Variants in SPNS2 observed in about 807,000 individuals in gnomAD.
SPNS2 encodes the protein sphingosine-1-phosphate transporter SPNS2.
In SPNS2, 37 loss-of-function variants were observed where a neutral mutation model predicts 57.6. That is an observed-to-expected ratio of 0.64 (90% CI 0.49 to 0.85). The LOEUF (loss-of-function observed/expected upper bound fraction) is 0.85, where lower values mean the gene tolerates loss of function less well. Among genes scored for constraint, SPNS2 ranks in the 40% least tolerant of loss-of-function variants. SPNS2 has a pLI of 0.00. For synonymous variants in SPNS2, 440 were observed against 346.9 expected, an observed-to-expected ratio of 1.27 and a Z score of -2.98; for missense variants, 831 against 779.1, an observed-to-expected ratio of 1.07 and a Z score of -0.79.
intron 2 of SPNS2, among the ~76,000 whole-genome samples, chr17:4,519,694 G>C (rs1283679149): frequency 1.3e-5 from 2 of 152,194 alleles, no homozygotes; most frequent in African/African-American, 4.8e-5. Context: ...TGCCCAGAAA[G>C]CTCTCCTCAA....
At position 4,532,592 on chromosome 17, in the gene SPNS2, C is replaced by A. The variant is rs766011693; in HGVS notation, c.843C>A (p.Val281=). ...CAGGAACACTCATCCTCATTCTGGT[C>A]CCAGCCACTAAAAGGGGTCATGCCG... is the stretch of plus-strand genomic sequence containing the variant. The part of the protein sequence containing the change: ...MITGTLILIL[V]PATKRGHADQ... The change falls in exon 6 of 13, where the codon GTC becomes GTA. Residue 281 remains valine, a synonymous_variant. Coordinates refer to ENST00000329078, the MANE Select transcript of SPNS2 (RefSeq NM_001124758.3). The A allele has an allele frequency of 1.2e-6, 2 of 1,614,016 alleles. No individual in the cohort carries two copies. Among genetic ancestry groups the A allele is most frequent in the Admixed American group, 1.7e-5 (1 of 59,998 alleles).
intron 11 of SPNS2, 101 bp downstream of exon 11, chr17:4,536,527 C>T (rs1298619801): frequency 1.5e-6 from 2 of 1,378,722 alleles, no homozygotes; most frequent in African/African-American, 1.4e-5. Context: ...AGGGTACAGA[C>T]CTCCCATGCA....
chr17:4,503,198 C>A (rs1275273305), intron 1 of SPNS2, among the ~76,000 whole-genome samples: 1 of 152,242 alleles, frequency 6.6e-6, no homozygotes, highest in African/African-American at 2.4e-5. Flanking sequence ...GAGCGGCATC[C>A]TCTCCAGTCC....
In SPNS2 at chr17:4,502,775, C is replaced by G. The variant is rs75836524; in HGVS notation, c.370+3358C>G. On this transcript the variant is annotated intron_variant, in intron 1 of 12. Coordinates refer to ENST00000329078, the MANE Select transcript of SPNS2 (RefSeq NM_001124758.3). ...TTCATGCCTCTGCTCAAGCTGGCCA[C>G]GATGCCTTTCCTGGGATTTTTGTTG... Among the ~76,000 whole-genome samples the G allele has an allele frequency of 2.0e-3, 303 of 152,288 alleles. 1 individual carries two copies. Among genetic ancestry groups the G allele is most frequent in the Non-Finnish European group, 3.1e-3 (213 of 68,016 alleles).
At position 4,499,349 on chromosome 17, in the gene SPNS2, G is replaced by A; in HGVS notation, c.302G>A (p.Arg101Gln). 6.9e-7 allele frequency: 1 copy of A among 1,450,694 alleles called. No individual in the cohort carries two copies. Among genetic ancestry groups the A allele is most frequent in the Non-Finnish European group, 9.0e-7 (1 of 1,107,816 alleles). The allele number at this position is 1,450,694 out of a possible 1,614,324, so 89.9% of individuals were successfully genotyped here. A position where few individuals can be genotyped will look rare whatever the true frequency, so the allele number is the denominator to read the frequency against. Residue 101 changes from arginine to glutamine, a missense_variant, in exon 1 of 13, where the codon CGG (arginine) becomes CAG (glutamine). Arg to Gln is a conservative substitution (Grantham distance 43). This residue lies in a region of SPNS2 where 305 missense variants were observed against 378.3 expected (regional missense o/e 0.81). Transcript: ENST00000329078. The surrounding 1 kb of genome is among the most constrained non-coding windows in gnomAD (Gnocchi z 5.2). The part of the protein sequence containing the change: ...QPKPASLGRG[R>Q]GAAAAILSLG... ...AAACCGGCCAGCTTGGGCCGCGGGC[G>A]GGGGGCAGCCGCCGCCATCCTCAGC...
chr17:4,518,180 T>TG (rs1394701051), intron 2 of SPNS2, among the ~76,000 whole-genome samples: 1 of 151,932 alleles, frequency 6.6e-6, no homozygotes. Context: ...GGTTTTGTCT[T>TG]GGGGCAGTAG....
rs1904792106 is a variant in SPNS2, at chr17:4,510,110, G to T, written c.371-3137G>T. Among the ~76,000 whole-genome samples, 1 of 152,262 alleles carries T rather than the reference G, an allele frequency of 6.6e-6. No individual in the cohort carries two copies. The highest frequency in any genetic ancestry group is 2.4e-5 in the African/African-American group (1 of 41,478). ...CGCTTCCCGTGCCAGCGGCCAGCGG[G>T]ATCTCACCCTCCTGTGGCTGTGGCC... On this transcript the variant is annotated intron_variant, in intron 1 of 12. Coordinates refer to ENST00000329078, the MANE Select transcript of SPNS2 (RefSeq NM_001124758.3). This position sits in a 1 kb window ranked among gnomAD's most constrained non-coding sequence, Gnocchi z 4.4.
intron 2 of SPNS2, among the ~76,000 whole-genome samples, chr17:4,515,084 G>A (rs1898444044): frequency 6.6e-6 from 1 of 152,190 alleles, no homozygotes; most frequent in South Asian, 2.1e-4. Context: ...GAGGGTCACA[G>A]GCCGGGCAGG....
intron 2 of SPNS2, among the ~76,000 whole-genome samples, chr17:4,522,891 G>C (rs575469549): frequency 6.6e-6 from 1 of 152,208 alleles, no homozygotes; most frequent in African/African-American, 2.4e-5. Context: ...TAAACCTCTT[G>C]TTCTGGAAGA....
In SPNS2 at chr17:4,534,719, G is replaced by C. The variant is rs548631884; in HGVS notation, c.1344+866G>C. ...GTGTCCTCCCGAGTCCATGGGCTGC[G>C]GTGGTGGTGGGGAGGCCTGGCGCAG... On this transcript the variant is annotated intron_variant, in intron 9 of 12. Coordinates refer to ENST00000329078, the MANE Select transcript of SPNS2 (RefSeq NM_001124758.3). Among the ~76,000 whole-genome samples the C allele has an allele frequency of 1.9e-4, 29 of 152,248 alleles. No individual in the cohort carries two copies. In the South Asian group the frequency reaches 5.0e-3, roughly 26 times the overall value.
Position 4,499,525 on chromosome 17 carries a change from A to C in SPNS2, c.370+108A>C. 4.4e-6 allele frequency: 3 copies of C among 675,958 alleles called. No homozygotes were observed. Among genetic ancestry groups the C allele is most frequent in the Non-Finnish European group, 6.6e-6 (3 of 457,348 alleles). 41.9% of individuals were successfully genotyped at this position (675,958 alleles called of 1,614,324 possible). A position where few individuals can be genotyped will look rare whatever the true frequency, so the allele number is the denominator to read the frequency against. On this transcript the variant is annotated intron_variant, in intron 1 of 12. Coordinates refer to ENST00000329078, the MANE Select transcript of SPNS2 (RefSeq NM_001124758.3). The surrounding 1 kb of genome is among the most constrained non-coding windows in gnomAD (Gnocchi z 5.2). ...TTTTGGTCTCAGGCCTGCTATCTCC[A>C]GGCCCTACGTGAGGTCCCTACGGAC...
chr17:4,536,440 A>C lies in SPNS2; in HGVS notation c.1607+14A>C, dbSNP rs1451771741. 2 of 1,398,928 alleles carry C rather than the reference A, an allele frequency of 1.4e-6. No homozygotes were observed. The highest frequency in any genetic ancestry group is 2.0e-6 in the Non-Finnish European group (2 of 1,023,022). 86.7% of individuals were successfully genotyped at this position (1,398,928 alleles called of 1,614,324 possible). Reference sequence around the variant, plus strand: ...GGCTGAGCAGCAGTGAGTGGGGGGGAGGGGAGGCCCTGCTGCACCGCCGGG... The same window carrying C: ...GGCTGAGCAGCAGTGAGTGGGGGGGCGGGGAGGCCCTGCTGCACCGCCGGG... On this transcript the variant is annotated intron_variant, in intron 11 of 12. Transcript: ENST00000329078.
At chr17:4,521,665 A>G (rs1355933996) in intron 2 of SPNS2, among the ~76,000 whole-genome samples, 1 of 152,270 alleles carries the variant, frequency 6.6e-6, no homozygotes, top group East Asian at 1.9e-4. Context: ...AAACTAAATG[A>G]TATCGGCTTA....
chr17:4,524,660 G>T (rs916889595), intron 2 of SPNS2, among the ~76,000 whole-genome samples: 7 of 152,146 alleles, frequency 4.6e-5, no homozygotes, highest in Admixed American at 6.5e-5. Context: ...CTCCAGCCTG[G>T]GTGACAGAGC....
intron 4 of SPNS2, 82 bp from the exon 5 acceptor site, chr17:4,530,971 C>T: frequency 6.5e-7 from 1 of 1,542,382 alleles, no homozygotes; most frequent in Non-Finnish European, 8.8e-7. Flanking sequence ...GGAGGGTGGG[C>T]AGCCTGCCTT....
chr17:4,508,620 G>A (rs565404716), intron 1 of SPNS2, among the ~76,000 whole-genome samples: 6 of 152,322 alleles, frequency 3.9e-5, no homozygotes, highest in Middle Eastern at 3.4e-3. Flanking sequence ...GGGCCAGACC[G>A]TGGAGGCCTC....
intron 7 of SPNS2, 43 bp downstream of exon 7, chr17:4,533,172 G>A (rs762797449): frequency 1.9e-5 from 30 of 1,582,794 alleles, no homozygotes; most frequent in East Asian, 1.6e-4. Context: ...GAGGGACCTC[G>A]GACAGGAGAG....
At position 4,517,666 on chromosome 17, in the gene SPNS2, A is replaced by AT. The variant is rs1364577803; in HGVS notation, c.436+4354_436+4355insT. Reference sequence around the variant, plus strand: ...ACCAAGACTCCGTCTCAAAAAAAAAAATTAATAGAGCATACAGTTCTCCCT... The same window carrying AT: ...ACCAAGACTCCGTCTCAAAAAAAAAATATTAATAGAGCATACAGTTCTCCCT... On this transcript the variant is annotated intron_variant, in intron 2 of 12. Transcript: ENST00000329078. Among the ~76,000 whole-genome samples, 3 of 152,204 alleles carry AT rather than the reference A, an allele frequency of 2.0e-5. No homozygotes were observed. The East Asian group carries it at 5.8e-4, about 29-fold the overall frequency.
chr17:4,536,221 C>A, intron 10 of SPNS2, 42 bp from the exon 11 acceptor site: 1 of 1,608,620 alleles, frequency 6.2e-7, no homozygotes, highest in South Asian at 1.1e-5. Context: ...TGGGGGACTG[C>A]AGGAGGGCTC....
Sources: gnomAD v4.1 joint callset for allele counts (sites outside exome capture counted in the v4.1 genomes callset) on GRCh38, gnomAD v4.1.1 for gene constraint, gnomAD v4.1.1 regional missense constraint, Gnocchi (gnomAD v3.1) non-coding constraint, MANE v1.5 for transcripts, NCBI Gene and HGNC (gene_info 2026-07-23, HGNC 2026-07-21) for gene names.